The following ASB7 variants were observed in gnomAD, a reference collection of about 807,000 sequenced individuals.
ASB7 encodes ankyrin repeat and SOCS box containing 7.
Under a neutral mutation model 32.5 loss-of-function variants are expected in ASB7, and 4 were observed. The ratio of observed to expected loss-of-function variants is 0.12; its 90% CI spans 0.06 to 0.28. The LOEUF is 0.28. Ranked by LOEUF, ASB7 falls within the 10% of genes least tolerant of loss-of-function variation. The pLI, the probability that ASB7 is intolerant of heterozygous loss-of-function variation, is 1.00. For synonymous variants in ASB7, 172 were observed against 155.6 expected (o/e 1.11, Z -0.78); for missense variants, 181 against 407.1 (o/e 0.44, Z 4.78).
chr15:100,629,929 A>G lies in ASB7; in HGVS notation c.704A>G (p.Asn235Ser). The G allele has an allele frequency of 1.2e-6, 2 of 1,614,214 alleles. No homozygotes were observed. Among genetic ancestry groups the G allele is most frequent in the East Asian group, 4.5e-5 (2 of 44,882 alleles). Reference sequence around the variant, plus strand: ...GTGCTGTGTGCACGGATGTTATATAATTACGGAGCAGACACGAACACACGG... The same window carrying G: ...GTGCTGTGTGCACGGATGTTATATAGTTACGGAGCAGACACGAACACACGG... ...DDVLCARMLY[N>S]YGADTNTRNY... Residue 235 changes from asparagine to serine, a missense_variant, in exon 5 of 6, where the codon AAT becomes AGT. By Grantham distance (46) the Asn-to-Ser change is conservative. Transcript: ENST00000332783. This position sits in a 1 kb window ranked among gnomAD's most constrained non-coding sequence, Gnocchi z 6.8.
At chr15:100,625,014 C>T (rs1479838523) in intron 4 of ASB7, among the ~76,000 whole-genome samples, 1 of 152,078 alleles carries the variant, frequency 6.6e-6, no homozygotes, top group Non-Finnish European at 1.5e-5. Flanking sequence ...AACATAAATA[C>T]CTAACAATCA....
chr15:100,629,735 G>A lies in ASB7; in HGVS notation c.510G>A (p.Leu170=). 6.2e-7 allele frequency: 1 copy of A among 1,614,146 alleles called. No individual in the cohort carries two copies. The highest frequency in any genetic ancestry group is 8.5e-7 in the Non-Finnish European group (1 of 1,180,028). ...RERSSCVKIL[L]DHNANIDIQN... Reference sequence around the variant, plus strand: ...GGTCAAGCTGTGTGAAAATCCTCCTGGACCACAATGCCAACATCGACATTC... The same window carrying A: ...GGTCAAGCTGTGTGAAAATCCTCCTAGACCACAATGCCAACATCGACATTC... Residue 170 remains leucine (L), a synonymous_variant, in exon 5 of 6, where the codon CTG becomes CTA. Transcript: ENST00000332783. The surrounding 1 kb of genome is among the most constrained non-coding windows in gnomAD (Gnocchi z 6.8).
intron 5 of ASB7, among the ~76,000 whole-genome samples, chr15:100,635,722 TCA>T (rs2039917816): frequency 6.6e-6 from 1 of 152,212 alleles, no homozygotes; most frequent in African/African-American, 2.4e-5. Flanking sequence ...TGATTCACTC[TCA>T]GTCTTTCAGT....
At chr15:100,628,922 G>T (rs2141399407) in intron 4 of ASB7, among the ~76,000 whole-genome samples, 1 of 152,258 alleles carries the variant, frequency 6.6e-6, no homozygotes, top group East Asian at 1.9e-4. Flanking sequence ...AATTTTTACA[G>T]ACCACAGAAA....
At chr15:100,643,985 T>C (rs1292699921) in intron 5 of ASB7, among the ~76,000 whole-genome samples, 1 of 152,196 alleles carries the variant, frequency 6.6e-6, no homozygotes, top group Non-Finnish European at 1.5e-5. Context: ...TGGCGGCTCA[T>C]GCCCTTAATC....
chr15:100,611,641 G>A (rs1401919981), intron 3 of ASB7, among the ~76,000 whole-genome samples: 20 of 149,896 alleles, frequency 1.3e-4, no homozygotes, highest in Admixed American at 1.1e-3. Context: ...CACCACACCC[G>A]GCTAATTTTT....
intron 4 of ASB7, among the ~76,000 whole-genome samples, chr15:100,628,139 T>C (rs933267154): frequency 3.9e-5 from 6 of 152,384 alleles, no homozygotes; most frequent in South Asian, 2.1e-4. Flanking sequence ...ATACTACCAT[T>C]GTGTACTGAC....
intron 3 of ASB7, among the ~76,000 whole-genome samples, chr15:100,610,030 A>G (rs2039681361): frequency 6.6e-6 from 1 of 152,172 alleles, no homozygotes; most frequent in Non-Finnish European, 1.5e-5. Context: ...AATTAAAAAG[A>G]AAAGCTGTTA....
intron 5 of ASB7, 83 bp from the exon 6 acceptor site, chr15:100,648,240 G>T (rs2040009399): frequency 1.4e-6 from 2 of 1,381,610 alleles, no homozygotes; most frequent in Non-Finnish European, 1.9e-6. Flanking sequence ...AGAACTTCCA[G>T]GGAAATGAAC....
intron 4 of ASB7, among the ~76,000 whole-genome samples, chr15:100,614,004 A>G (rs1201809006): frequency 1.3e-5 from 2 of 152,124 alleles, no homozygotes; most frequent in Non-Finnish European, 2.9e-5. Context: ...CAAGCGTGGT[A>G]GCTCACGCCT....
At chr15:100,611,484 C>CTTTTTTTTTTTTTTTTTTTTT (rs61153969) in intron 3 of ASB7, among the ~76,000 whole-genome samples, 1,269 of 77,040 alleles carry the variant, frequency 0.016, 374 homozygotes, top group East Asian at 0.066. Context: ...TGTTTCGATT[C>CTTTTTTTTTTTTTTTTTTTTT]TTTTTTTTTT....
chr15:100,609,655 GATT>G (rs1430120025), intron 2 of ASB7, 49 bp from the exon 3 acceptor site: 1 of 152,170 alleles, frequency 6.6e-6, no homozygotes, highest in Non-Finnish European at 1.5e-5. Flanking sequence ...AGACAGCTAT[GATT>G]ATTATTTTAA....
intron 5 of ASB7, among the ~76,000 whole-genome samples, chr15:100,635,538 G>A (rs1453053690): frequency 2.6e-5 from 4 of 152,262 alleles, no homozygotes; most frequent in South Asian, 2.1e-4. Flanking sequence ...AGAGGGTTCC[G>A]GTCCCTGCAG....
chr15:100,639,224 C>CA (rs2039945055), intron 5 of ASB7, among the ~76,000 whole-genome samples: 1 of 152,180 alleles, frequency 6.6e-6, no homozygotes, highest in South Asian at 2.1e-4. Context: ...TTGCAGAAGA[C>CA]AGTCTGTCAG....
At chr15:100,641,397 C>T (rs1274537673) in intron 5 of ASB7, among the ~76,000 whole-genome samples, 4 of 152,304 alleles carry the variant, frequency 2.6e-5, no homozygotes, top group Middle Eastern at 3.4e-3. Flanking sequence ...TTAGAAATGA[C>T]AGTACTTACC....
intron 5 of ASB7, among the ~76,000 whole-genome samples, chr15:100,644,423 T>C (rs1207884795): frequency 1.3e-5 from 2 of 152,258 alleles, no homozygotes; most frequent in Non-Finnish European, 2.9e-5. Flanking sequence ...AAGTAGCCCA[T>C]GAATAGTGTT....
Position 100,649,331 on chromosome 15 carries a change from C to T in ASB7, c.*869C>T, listed in dbSNP as rs990683005. The T allele has an allele frequency of 2.0e-5, 3 of 152,170 alleles. No individual in the cohort carries two copies. Among genetic ancestry groups the T allele is most frequent in the Non-Finnish European group, 4.4e-5 (3 of 68,030 alleles). The allele number at this position is 152,170 out of a possible 1,614,324, so 9.4% of individuals were successfully genotyped here. A position where few individuals can be genotyped will look rare whatever the true frequency, so the allele number is the denominator to read the frequency against. On this transcript the variant is annotated 3_prime_UTR_variant, in exon 6 of 6. Transcript: ENST00000332783. ...ACATGCCCGTGAGGACAGGAGCCGC[C>T]GCTTCAGTTGTCACTGCAGAGCCAT...
In ASB7 at chr15:100,649,570, A is replaced by G. The variant is rs1380510916; in HGVS notation, c.*1108A>G. 3 of 152,230 alleles carry G rather than the reference A, an allele frequency of 2.0e-5. No individual in the cohort carries two copies. The highest frequency in any genetic ancestry group is 2.9e-5 in the Non-Finnish European group (2 of 68,040). The allele number at this position is 152,230 out of a possible 1,614,324, so 9.4% of individuals were successfully genotyped here. The stretch of plus-strand genomic sequence containing the variant: ...TAAAATCTTTAAGGGGTACACATTT[A>G]TAAGTCTGGCTAATTTCTAATATGC... On this transcript the variant is annotated 3_prime_UTR_variant, in exon 6 of 6. Transcript: ENST00000332783.
At chr15:100,625,315 C>T (rs908719474) in intron 4 of ASB7, among the ~76,000 whole-genome samples, 7 of 152,102 alleles carry the variant, frequency 4.6e-5, no homozygotes, top group African/African-American at 1.7e-4. Flanking sequence ...CATAATTGTG[C>T]ATGTAGACCC....
Sources: gnomAD v4.1 joint callset for allele counts (sites outside exome capture counted in the v4.1 genomes callset) on GRCh38, gnomAD v4.1.1 for gene constraint, Gnocchi (gnomAD v3.1) non-coding constraint, MANE v1.5 for transcripts, NCBI Gene and HGNC (gene_info 2026-07-23, HGNC 2026-07-21) for gene names.